MAGI2: variants seen among roughly 807,000 people sequenced by gnomAD.
MAGI2 encodes the protein membrane associated guanylate kinase, WW and PDZ domain containing 2, also known as membrane-associated guanylate kinase, WW and PDZ domain-containing protein 2.
MAGI2 carries 35 observed loss-of-function variants against 133.3 expected under a neutral mutation model. The ratio of observed to expected loss-of-function variants is 0.26; its 90% CI spans 0.20 to 0.35. The LOEUF is 0.35. Among genes scored for constraint, MAGI2 ranks in the 10% least tolerant of loss-of-function variants. The pLI is 1.00. For synonymous variants in MAGI2, 729 were observed against 710.6 expected (o/e 1.03, Z -0.41); for missense variants, 1,636 against 1,863.4 (o/e 0.88, Z 2.25).
At chr7:78,218,190 C>T (rs930977234) in intron 10 of MAGI2, among the ~76,000 whole-genome samples, 5 of 152,166 alleles carry the variant, frequency 3.3e-5, no homozygotes, top group Non-Finnish European at 7.3e-5. Context: ...CAGCAATGTG[C>T]CTTGGTTGAG....
intron 3 of MAGI2, among the ~76,000 whole-genome samples, chr7:78,546,410 G>A (rs1246779110): frequency 6.6e-6 from 1 of 151,408 alleles, no homozygotes; most frequent in African/African-American, 2.4e-5. Context: ...CTCTTACATG[G>A]TTCACCAGGT....
chr7:79,405,921 CAAA>C (rs34025242), intron 1 of MAGI2, among the ~76,000 whole-genome samples: 23,453 of 107,380 alleles, frequency 0.22, 1,645 homozygotes, highest in East Asian at 0.44. Flanking sequence ...AACCACAACA[CAAA>C]AAAAAAAAAA....
At chr7:78,702,732 T>C (rs1014814694) in intron 2 of MAGI2, among the ~76,000 whole-genome samples, 5 of 152,050 alleles carry the variant, frequency 3.3e-5, no homozygotes, top group Non-Finnish European at 5.9e-5. Flanking sequence ...GAAGCATCTA[T>C]TATAAATTCC....
At chr7:78,746,012 T>C (rs1822894349) in intron 2 of MAGI2, among the ~76,000 whole-genome samples, 1 of 152,204 alleles carries the variant, frequency 6.6e-6, no homozygotes, top group Non-Finnish European at 1.5e-5. Context: ...ATTTCCTCTA[T>C]ATACCATCTG....
chr7:78,596,200 G>GAGGGAGGA (rs1804591479), intron 3 of MAGI2, among the ~76,000 whole-genome samples: 1 of 99,622 alleles, frequency 1.0e-5, no homozygotes, highest in Non-Finnish European at 2.0e-5. Context: ...GGGAGGGAGG[G>GAGGGAGGA]AAGGAATGAA....
chr7:78,545,787 A>T (rs1798782966), intron 3 of MAGI2, among the ~76,000 whole-genome samples: 1 of 152,198 alleles, frequency 6.6e-6, no homozygotes, highest in African/African-American at 2.4e-5. Flanking sequence ...TCAACATGAG[A>T]CTGATTAACT....
At chr7:79,074,293 A>G (rs1454738096) in intron 1 of MAGI2, among the ~76,000 whole-genome samples, 1 of 152,212 alleles carries the variant, frequency 6.6e-6, no homozygotes, top group Non-Finnish European at 1.5e-5. Context: ...CATGCTGCAA[A>G]TATTTTATAA....
chr7:78,327,613 G>A (rs538920218), intron 9 of MAGI2, among the ~76,000 whole-genome samples: 1 of 152,272 alleles, frequency 6.6e-6, no homozygotes, highest in Non-Finnish European at 1.5e-5. Context: ...TATAGTAGGG[G>A]AGCCCCCACA....
chr7:78,819,817 AT>A (rs1789934562), intron 2 of MAGI2, among the ~76,000 whole-genome samples: 1 of 152,184 alleles, frequency 6.6e-6, no homozygotes, highest in African/African-American at 2.4e-5. Flanking sequence ...TACTGAAGAT[AT>A]TATACAAAAA....
chr7:78,620,368 C>G (rs1171211330), intron 3 of MAGI2, among the ~76,000 whole-genome samples: 2 of 151,890 alleles, frequency 1.3e-5, no homozygotes, highest in Admixed American at 1.3e-4. Flanking sequence ...CTGATTTTAG[C>G]TAGTAAAATG....
chr7:79,358,721 G>C (rs1167199552), intron 1 of MAGI2, among the ~76,000 whole-genome samples: 1 of 152,124 alleles, frequency 6.6e-6, no homozygotes, highest in Non-Finnish European at 1.5e-5. Context: ...TGGAAGCCTA[G>C]CTTGGGGAAA....
intron 1 of MAGI2, among the ~76,000 whole-genome samples, chr7:79,180,350 C>T (rs1826498058): frequency 6.6e-6 from 1 of 152,010 alleles, no homozygotes; most frequent in Non-Finnish European, 1.5e-5. Context: ...ATTTATTGGA[C>T]TTAAAGTTCT....
intron 2 of MAGI2, among the ~76,000 whole-genome samples, chr7:78,736,855 T>C (rs1821903236): frequency 6.6e-6 from 1 of 152,178 alleles, no homozygotes; most frequent in Non-Finnish European, 1.5e-5. Context: ...TCATAATTCT[T>C]GATTATATAT....
At chr7:78,938,067 T>C (rs777396458) in intron 2 of MAGI2, among the ~76,000 whole-genome samples, 1 of 152,088 alleles carries the variant, frequency 6.6e-6, no homozygotes, top group Non-Finnish European at 1.5e-5. Context: ...TATAAGTGAC[T>C]GTTAAATCTC....
intron 3 of MAGI2, among the ~76,000 whole-genome samples, chr7:78,598,567 A>G (rs529586915): frequency 6.6e-6 from 1 of 152,314 alleles, no homozygotes; most frequent in South Asian, 2.1e-4. Flanking sequence ...AGGAACCCCA[A>G]AGGATTTTTA....
intron 2 of MAGI2, chr7:78,946,648 T>C (rs1458401616): frequency 6.6e-6 from 1 of 152,178 alleles, no homozygotes; most frequent in Non-Finnish European, 1.5e-5. Context: ...AACTGAAATT[T>C]CAAGTACTGC....
intron 1 of MAGI2, among the ~76,000 whole-genome samples, chr7:79,386,170 G>T (rs1486310289): frequency 1.3e-4 from 19 of 151,772 alleles, no homozygotes; most frequent in Non-Finnish European, 2.9e-5. Flanking sequence ...TATACTAATG[G>T]TTACATTTTT....
intron 6 of MAGI2, among the ~76,000 whole-genome samples, chr7:78,419,403 G>GTGTA (rs1443417974): frequency 6.6e-6 from 1 of 151,680 alleles, no homozygotes; most frequent in African/African-American, 2.4e-5. Context: ...CCGAGCTTGT[G>GTGTA]TGTGTGTGTG....
chr7:78,515,996 A>C (rs1224453052), intron 4 of MAGI2, among the ~76,000 whole-genome samples: 1 of 152,210 alleles, frequency 6.6e-6, no homozygotes, highest in East Asian at 1.9e-4. Context: ...TACCAGGCTA[A>C]TACCTTCCAA....
Sources: gnomAD v4.1 joint callset for allele counts (sites outside exome capture counted in the v4.1 genomes callset) on GRCh38, gnomAD v4.1.1 for gene constraint, MANE v1.5 for transcripts, NCBI Gene and HGNC (gene_info 2026-07-23, HGNC 2026-07-21) for gene names.